Variants in KIF1A observed in about 807,000 individuals in gnomAD.
The protein encoded by KIF1A is kinesin-like protein KIF1A.
Under a neutral mutation model 227.3 loss-of-function variants are expected in KIF1A, and 46 were observed. That is an observed-to-expected ratio of 0.20 (90% CI 0.16 to 0.26). KIF1A has a LOEUF of 0.26. Among genes scored for constraint, KIF1A ranks in the 10% least tolerant of loss-of-function variants. The pLI is 1.00. For missense variants in KIF1A, 1,683 were observed against 2,485.9 expected (o/e 0.68, Z 6.87); for synonymous variants, 1,022 against 1,012.8 (o/e 1.01, Z -0.17).
At chr2:240,781,902 A>C in intron 10 of KIF1A, 1 of 985,216 alleles carries the variant, frequency 1.0e-6, no homozygotes. Context: ...AACTCCTCAC[A>C]CGGGCCGCAC....
intron 10 of KIF1A, chr2:240,782,283 C>T (rs984648556): frequency 4.7e-6 from 4 of 844,428 alleles, no homozygotes; most frequent in South Asian, 1.1e-4. Context: ...GGCTCCTCCG[C>T]GCCCCTTTCA....
chr2:240,740,175 C>G lies in KIF1A; in HGVS notation c.3817-33G>C, dbSNP rs564589924. 898 of 1,584,176 alleles carry G rather than the reference C, an allele frequency of 5.7e-4. 17 individuals are homozygous for G. The South Asian group carries it at 9.4e-3, about 17-fold the overall frequency. On this transcript the variant is annotated intron_variant, in intron 36 of 48. Transcript: ENST00000498729. The surrounding 1 kb of genome is among the most constrained non-coding windows in gnomAD (Gnocchi z 6.1). ...TGCCAGGTGAGAGGATATGGTCAGA[C>G]GGCTCAGGGGGCTACGTAGGGTGAG... is the stretch of plus-strand genomic sequence containing the variant.
chr2:240,736,708 A>G lies in KIF1A; in HGVS notation c.4007+355T>C, dbSNP rs2047361132. 6.6e-6 allele frequency among the ~76,000 whole-genome samples: 1 copy of G among 152,192 alleles called. No homozygotes were observed. Among genetic ancestry groups the G allele is most frequent in the East Asian group, 1.9e-4 (1 of 5,188 alleles). On this transcript the variant is annotated intron_variant, in intron 38 of 48. Transcript: ENST00000498729. This position sits in a 1 kb window ranked among gnomAD's most constrained non-coding sequence, Gnocchi z 4.7. The stretch of plus-strand genomic sequence containing the variant: ...GATGCCTGCCAGAGGCCACTGACTC[A>G]TCCACAGCAGCATGGTCCTTGGACA...
chr2:240,759,463 A>G (rs2050248606), intron 25 of KIF1A, among the ~76,000 whole-genome samples: 1 of 152,174 alleles, frequency 6.6e-6, no homozygotes. Context: ...GGACAGCCCT[A>G]TGCCCCAGAG....
chr2:240,724,359 T>TG, intron 40 of KIF1A: 1 of 412,698 alleles, frequency 2.4e-6, no homozygotes, highest in Non-Finnish European at 4.5e-6. Context: ...GCATCTCCAG[T>TG]CCCTCCACGG....
chr2:240,720,781 T>C (rs563809636), intron 45 of KIF1A, 133 bp downstream of exon 45: 2 of 1,136,280 alleles, frequency 1.8e-6, no homozygotes, highest in Admixed American at 2.9e-5. Context: ...GGCCCTTCCC[T>C]CAGCCTGTGG....
chr2:240,755,431 G>A (rs1178311873), intron 27 of KIF1A, among the ~76,000 whole-genome samples: 1 of 152,176 alleles, frequency 6.6e-6, no homozygotes, highest in East Asian at 1.9e-4. Context: ...AGCCTTTCCA[G>A]AGGGGACAAG....
intron 1 of KIF1A, among the ~76,000 whole-genome samples, chr2:240,802,676 G>A (rs753155168): frequency 7.2e-5 from 11 of 152,180 alleles, no homozygotes; most frequent in Non-Finnish European, 1.3e-4. Flanking sequence ...CTGTCTCTGA[G>A]ACTAGAGTTC....
chr2:240,769,342 T>C, intron 16 of KIF1A, 134 bp from the exon 17 acceptor site: 1 of 741,596 alleles, frequency 1.3e-6, no homozygotes, highest in South Asian at 1.8e-5. Flanking sequence ...TCCCATCTGG[T>C]CACTGGGTTA....
In KIF1A at chr2:240,789,105, C is replaced by T. The variant is rs776344961; in HGVS notation, c.183+131G>A. 5.0e-5 allele frequency: 36 copies of T among 717,966 alleles called. No individual in the cohort carries two copies. Among genetic ancestry groups the T allele is most frequent in the Non-Finnish European group, 8.2e-5 (34 of 414,880 alleles). The allele number at this position is 717,966 out of a possible 1,614,324, so 44.5% of individuals were successfully genotyped here. ...CTGAGGACCGCTCAGGGTGACCTTCCAGGGGAGCAGGGTGGGGTCCTCGCC... is the reference window on the plus strand; with the variant it reads ...CTGAGGACCGCTCAGGGTGACCTTCTAGGGGAGCAGGGTGGGGTCCTCGCC... On this transcript the variant is annotated intron_variant, in intron 3 of 48. Transcript: ENST00000498729. This position sits in a 1 kb window ranked among gnomAD's most constrained non-coding sequence, Gnocchi z 4.8.
rs1453782319 is a variant in KIF1A, at chr2:240,782,522, C to T, written c.882+68G>A. 1.3e-5 allele frequency: 20 copies of T among 1,502,558 alleles called. 1 individual carries two copies. Among genetic ancestry groups the T allele is most frequent in the Non-Finnish European group, 1.7e-5 (19 of 1,104,696 alleles). The allele number at this position is 1,502,558 out of a possible 1,614,324, so 93.1% of individuals were successfully genotyped here. On this transcript the variant is annotated intron_variant, in intron 10 of 48. Coordinates refer to ENST00000498729, the MANE Select transcript of KIF1A (RefSeq NM_001244008.2). ...GCCCGCCCCGCCCCTCACCACAGGG[C>T]GCCAATGCAGGGCAGACACCGCCAC...
At chr2:240,783,892 C>G in intron 7 of KIF1A, 76 bp from the exon 8 acceptor site, 1 of 1,146,808 alleles carries the variant, frequency 8.7e-7, no homozygotes, top group South Asian at 1.3e-5. Context: ...TGGGCAAGGT[C>G]TCCACAGCTG....
intron 1 of KIF1A, among the ~76,000 whole-genome samples, chr2:240,808,816 C>T (rs13406157): frequency 0.62 from 94,865 of 151,914 alleles, 30,305 homozygotes; most frequent in South Asian, 0.78. Context: ...CTGCAACCTC[C>T]GCCTCCTGCG....
intron 46 of KIF1A, among the ~76,000 whole-genome samples, 168 bp downstream of exon 46, chr2:240,719,606 T>C (rs939072312): frequency 6.6e-5 from 10 of 152,176 alleles, no homozygotes; most frequent in Admixed American, 5.9e-4. Context: ...TGTCCCTCCA[T>C]GTGGGTCAGG....
intron 20 of KIF1A, among the ~76,000 whole-genome samples, chr2:240,765,072 C>A (rs2050996641): frequency 6.6e-6 from 1 of 152,222 alleles, no homozygotes; most frequent in Non-Finnish European, 1.5e-5. Context: ...CATCTCGGTA[C>A]ATGTCTACAG....
In KIF1A at chr2:240,771,296, G is replaced by A. The variant is rs537464361; in HGVS notation, c.1208-192C>T. The A allele has an allele frequency of 1.3e-3, 923 of 707,418 alleles. 1 individual carries two copies. The highest frequency in any genetic ancestry group is 1.9e-3 in the Non-Finnish European group (775 of 411,798). 43.8% of individuals were successfully genotyped at this position (707,418 alleles called of 1,614,324 possible). On this transcript the variant is annotated intron_variant, in intron 14 of 48. Transcript: ENST00000498729. ...AAGGCAAGAAACAGAAACCATCAAC[G>A]AGGCACAGCAGCCCTGCCAGGCCCA... is the stretch of plus-strand genomic sequence containing the variant.
At position 240,726,255 on chromosome 2, in the gene KIF1A, A is replaced by T. The variant is rs545863698; in HGVS notation, c.4122+571T>A. Among the ~76,000 whole-genome samples the T allele has an allele frequency of 6.6e-6, 1 of 152,338 alleles. No individual in the cohort carries two copies. The highest frequency in any genetic ancestry group is 2.4e-5 in the African/African-American group (1 of 41,578). ...CACAATGTCTGGTGGTGCTGCAGCC[A>T]TCTTGCATCCCAAGGACAACACCCA... On this transcript the variant is annotated intron_variant, in intron 39 of 48. Coordinates refer to ENST00000498729, the MANE Select transcript of KIF1A (RefSeq NM_001244008.2). This position sits in a 1 kb window ranked among gnomAD's most constrained non-coding sequence, Gnocchi z 5.2.
intron 10 of KIF1A, 111 bp downstream of exon 10, chr2:240,782,479 T>C: frequency 8.5e-7 from 1 of 1,177,790 alleles, no homozygotes; most frequent in Non-Finnish European, 1.2e-6. Flanking sequence ...ACGTCCCCCA[T>C]CTCCCAGCGC....
In KIF1A at chr2:240,770,964, C is replaced by A. The variant is rs184947396; in HGVS notation, c.1341+7G>T. ...TGACACCCTGAAGCCCCAGGTGGTG[C>A]CCTCACCTTCAGTCTTTCAATGGCC... On this transcript the variant is annotated splice_region_variant and intron_variant, in intron 15 of 48. Coordinates refer to ENST00000498729, the MANE Select transcript of KIF1A (RefSeq NM_001244008.2). 5.3e-4 allele frequency: 858 copies of A among 1,609,362 alleles called. No homozygotes were observed. Among genetic ancestry groups the A allele is most frequent in the Non-Finnish European group, 6.8e-4 (807 of 1,179,646 alleles).
Sources: gnomAD v4.1 joint callset for allele counts (sites outside exome capture counted in the v4.1 genomes callset) on GRCh38, gnomAD v4.1.1 for gene constraint, Gnocchi (gnomAD v3.1) non-coding constraint, MANE v1.5 for transcripts, NCBI Gene and HGNC (gene_info 2026-07-23, HGNC 2026-07-21) for gene names.